Variants in CPNE8 observed in about 807,000 individuals in gnomAD.
CPNE8 encodes copine-8.
A neutral mutation model predicts 81.5 loss-of-function variants in CPNE8; 45 were observed. That is an observed-to-expected ratio of 0.55 (90% CI 0.44 to 0.71). The LOEUF (loss-of-function observed/expected upper bound fraction) is 0.71, where lower values mean the gene tolerates loss of function less well. Among genes scored for constraint, CPNE8 ranks in the 30% least tolerant of loss-of-function variants. CPNE8 has a pLI of 0.00. For missense variants in CPNE8, 594 were observed against 672.1 expected (o/e 0.88, Z 1.28); for synonymous variants, 252 against 226.3 (o/e 1.11, Z -1.02).
intron 3 of CPNE8, among the ~76,000 whole-genome samples, chr12:38,862,771 A>T (rs1943857274): frequency 6.6e-6 from 1 of 152,160 alleles, no homozygotes; most frequent in Non-Finnish European, 1.5e-5. Flanking sequence ...TAACATGGCA[A>T]AACCCTGGCT....
At chr12:38,780,070 T>C (rs1237360713) in intron 6 of CPNE8, among the ~76,000 whole-genome samples, 1 of 152,052 alleles carries the variant, frequency 6.6e-6, no homozygotes, top group Non-Finnish European at 1.5e-5. Flanking sequence ...CTTTTACCCA[T>C]TTTGAGCTGA....
chr12:38,700,237 T>C (rs1296125066), intron 14 of CPNE8, among the ~76,000 whole-genome samples: 1 of 125,264 alleles, frequency 8.0e-6, no homozygotes, highest in Non-Finnish European at 1.8e-5. Context: ...GGAAGTCCCC[T>C]TCTTTTTTTT....
intron 6 of CPNE8, among the ~76,000 whole-genome samples, chr12:38,823,088 T>A (rs1220021441): frequency 6.6e-6 from 1 of 152,184 alleles, no homozygotes; most frequent in Admixed American, 6.5e-5. Context: ...ACATTTGATC[T>A]CTAAGTGCAT....
chr12:38,774,335 G>A (rs1941875682), intron 7 of CPNE8, among the ~76,000 whole-genome samples: 1 of 152,124 alleles, frequency 6.6e-6, no homozygotes, highest in South Asian at 2.1e-4. Context: ...GTATCTTATT[G>A]ACTGTGAACT....
At chr12:38,873,402 G>T (rs765640297) in intron 2 of CPNE8, among the ~76,000 whole-genome samples, 2 of 152,106 alleles carry the variant, frequency 1.3e-5, no homozygotes, top group African/African-American at 4.8e-5. Context: ...CTCTCCCTAA[G>T]ATATTTACAG....
chr12:38,799,891 G>A (rs1286606077), intron 6 of CPNE8, among the ~76,000 whole-genome samples: 3 of 151,924 alleles, frequency 2.0e-5, no homozygotes, highest in Non-Finnish European at 4.4e-5. Flanking sequence ...AAAGAAAGGT[G>A]TGACTGACGC....
rs575125864 is a variant in CPNE8, at chr12:38,797,381, C to T, written c.408-21080G>A. On this transcript the variant is annotated intron_variant, in intron 6 of 19. Transcript: ENST00000331366. ...AGAGGAACTAGCAGACGGCAGCATT[C>T]GTGTTTCACGAAAATCCGCTCTTCT... Among the ~76,000 whole-genome samples, 71 of 152,276 alleles carry T rather than the reference C, an allele frequency of 4.7e-4. 3 individuals are homozygous for T. Among genetic ancestry groups the T allele is most frequent in the African/African-American group, 1.6e-3 (67 of 41,554 alleles).
At chr12:38,751,606 G>A (rs903373004) in intron 10 of CPNE8, among the ~76,000 whole-genome samples, 2 of 152,072 alleles carry the variant, frequency 1.3e-5, no homozygotes, top group Non-Finnish European at 2.9e-5. Context: ...TATGCCTACA[G>A]GCCAAATTAA....
intron 3 of CPNE8, among the ~76,000 whole-genome samples, chr12:38,853,424 C>A (rs1311545171): frequency 6.6e-6 from 1 of 151,896 alleles, no homozygotes; most frequent in Admixed American, 6.6e-5. Context: ...ACCTATGAAC[C>A]TAATTACAAT....
chr12:38,824,776 A>G (rs1943163410), intron 6 of CPNE8, among the ~76,000 whole-genome samples: 1 of 152,216 alleles, frequency 6.6e-6, no homozygotes, highest in Non-Finnish European at 1.5e-5. Context: ...TGTCTGCCTC[A>G]GGATATCTTC....
At chr12:38,854,040 G>A (rs1417912466) in intron 3 of CPNE8, among the ~76,000 whole-genome samples, 4 of 151,988 alleles carry the variant, frequency 2.6e-5, no homozygotes, top group African/African-American at 9.7e-5. Context: ...TAGTAGCCAT[G>A]ATATACAGCC....
chr12:38,878,013 C>G (rs1944092356), intron 1 of CPNE8, among the ~76,000 whole-genome samples: 1 of 152,188 alleles, frequency 6.6e-6, no homozygotes, highest in South Asian at 2.1e-4. Flanking sequence ...AGAGTGACCT[C>G]TGGTCTTCCT....
At chr12:38,840,708 A>G (rs1324696386) in intron 4 of CPNE8, among the ~76,000 whole-genome samples, 1 of 152,160 alleles carries the variant, frequency 6.6e-6, no homozygotes, top group Non-Finnish European at 1.5e-5. Flanking sequence ...TAAAGAAAAC[A>G]TACATTTTAT....
intron 5 of CPNE8, among the ~76,000 whole-genome samples, chr12:38,837,686 C>T (rs923335317): frequency 1.3e-5 from 2 of 151,996 alleles, no homozygotes; most frequent in African/African-American, 2.4e-5. Context: ...GTTTCAAGAA[C>T]GGAGTAGTCA....
chr12:38,687,672 G>A (rs558273121), intron 15 of CPNE8, among the ~76,000 whole-genome samples: 65 of 152,218 alleles, frequency 4.3e-4, no homozygotes, highest in Non-Finnish European at 7.8e-4. Flanking sequence ...GTGAGCCACC[G>A]CACCCGGCCA....
In CPNE8 at chr12:38,713,981, C is replaced by T. The variant is rs1009521212; in HGVS notation, c.914+9791G>A. ...AACAAAATTTGTGATCTGTTTTCCC[C>T]CTTCATCTGCCAATCAAAGAGATGT... On this transcript the variant is annotated intron_variant, in intron 13 of 19. Coordinates refer to ENST00000331366, the MANE Select transcript of CPNE8 (RefSeq NM_153634.3). Among the ~76,000 whole-genome samples the T allele has an allele frequency of 4.6e-5, 7 of 152,058 alleles. No homozygotes were observed. The South Asian group carries it at 6.2e-4, about 13-fold the overall frequency.
intron 7 of CPNE8, among the ~76,000 whole-genome samples, chr12:38,771,729 A>G (rs900181171): frequency 1.3e-5 from 2 of 152,198 alleles, no homozygotes; most frequent in Non-Finnish European, 2.9e-5. Flanking sequence ...AGAAGAAAAC[A>G]TAGAGCCTTG....
chr12:38,721,599 C>T (rs149793823), intron 13 of CPNE8, among the ~76,000 whole-genome samples: 10 of 152,322 alleles, frequency 6.6e-5, no homozygotes, highest in Admixed American at 3.9e-4. Flanking sequence ...TTGGGACCTG[C>T]CAACTGGCGG....
At chr12:38,707,279 A>G (rs1275140858) in intron 13 of CPNE8, among the ~76,000 whole-genome samples, 1 of 152,162 alleles carries the variant, frequency 6.6e-6, no homozygotes, top group Non-Finnish European at 1.5e-5. Context: ...GCACTGCTGC[A>G]CTCCAGCTTG....
Sources: allele counts gnomAD v4.1 joint callset (sites outside exome capture counted in the v4.1 genomes callset), GRCh38; gene constraint gnomAD v4.1.1; transcripts MANE v1.5; gene names NCBI Gene and HGNC (gene_info 2026-07-23, HGNC 2026-07-21).